ZNF618: variants seen among roughly 807,000 people sequenced by gnomAD.
ZNF618 encodes the protein neural precursor cell expressed, developmentally down-regulated 10.
ZNF618 carries 34 observed loss-of-function variants against 103.0 expected under a neutral mutation model. The observed-to-expected ratio is 0.33, with a 90% CI of 0.25 to 0.44. The LOEUF is 0.44. ZNF618 is among the 20% of genes least tolerant of loss of function. The pLI is 1.00. For missense variants in ZNF618, 1,059 were observed against 1,295.4 expected (o/e 0.82, Z 2.80); for synonymous variants, 551 against 542.2 (o/e 1.02, Z -0.23).
intron 1 of ZNF618, among the ~76,000 whole-genome samples, chr9:113,938,403 A>C (rs1255150458): frequency 6.7e-6 from 1 of 149,020 alleles, no homozygotes; most frequent in Non-Finnish European, 1.5e-5. Flanking sequence ...TTTGTCTTGA[A>C]CTCCTGGCTT....
chr9:113,964,089 G>A lies in ZNF618; in HGVS notation c.34-5028G>A, dbSNP rs115331627. Among the ~76,000 whole-genome samples the A allele has an allele frequency of 5.3e-3, 801 of 152,278 alleles. 8 individuals carry two copies. The highest frequency in any genetic ancestry group is 0.018 in the African/African-American group (758 of 41,538). ...TTATAGCACTGTGAAAATGTGCTGC[G>A]CCAGGTCCATCTTGAGCTTGGCTAG... On this transcript the variant is annotated intron_variant, in intron 1 of 14. Coordinates refer to ENST00000374126, the MANE Select transcript of ZNF618 (RefSeq NM_001318042.2).
rs531429361 is a variant in ZNF618 at position 113,935,078 on chromosome 9, G to A, written c.34-34039G>A. On this transcript the variant is annotated intron_variant, in intron 1 of 14. Transcript: ENST00000374126. ...TGCAGGGCCACAAGGCTGGTCAGGGGTGAGAGGGACCTCAGTGGCCTGGCT... is the reference window on the plus strand; with the variant it reads ...TGCAGGGCCACAAGGCTGGTCAGGGATGAGAGGGACCTCAGTGGCCTGGCT... Among the ~76,000 whole-genome samples, 51 of 152,342 alleles carry A rather than the reference G, an allele frequency of 3.3e-4. 1 individual carries two copies. Among genetic ancestry groups the A allele is most frequent in the African/African-American group, 1.2e-3 (50 of 41,584 alleles).
Position 114,049,692 on chromosome 9 carries a change from A to G in ZNF618, c.2390A>G (p.Lys797Arg), listed in dbSNP as rs373302966. 2 of 1,613,850 alleles carry G rather than the reference A, an allele frequency of 1.2e-6. No individual in the cohort carries two copies. The highest frequency in any genetic ancestry group is 1.1e-5 in the South Asian group (1 of 91,080). ...CTGGAGGCGCTCAAGGAGAACTTCA[A>G]GGTGCACCCGGCCCACAAGGTGGCC... ...LFLEALKENF[K>R]VHPAHKVAMI... The change falls in exon 15 of 15, where the codon AAG becomes AGG. Residue 797 changes from lysine (K) to arginine (R), a missense_variant. Physicochemically the swap from Lys to Arg is conservative, Grantham distance 26. Transcript: ENST00000374126.
chr9:113,882,830 G>A (rs151146567), intron 1 of ZNF618, among the ~76,000 whole-genome samples: 12 of 152,218 alleles, frequency 7.9e-5, no homozygotes, highest in Admixed American at 3.3e-4. Context: ...TATCTGCTTC[G>A]TGAGAAACCA....
intron 1 of ZNF618, among the ~76,000 whole-genome samples, chr9:113,967,268 T>A (rs1173943175): frequency 1.3e-5 from 2 of 152,246 alleles, no homozygotes; most frequent in African/African-American, 4.8e-5. Flanking sequence ...GCCTGTTTGC[T>A]TTGCATACAA....
At chr9:113,876,853 C>T (rs1401568504) in intron 1 of ZNF618, among the ~76,000 whole-genome samples, 2 of 146,472 alleles carry the variant, frequency 1.4e-5, no homozygotes, top group East Asian at 2.1e-4. Context: ...CCCCCCAGGT[C>T]CCCCATTTTT....
intron 1 of ZNF618, among the ~76,000 whole-genome samples, chr9:113,910,487 G>T (rs563299898): frequency 6.6e-6 from 1 of 152,288 alleles, no homozygotes; most frequent in East Asian, 1.9e-4. Context: ...AATAACGAGC[G>T]TGTTCCTGCC....
chr9:114,032,025 G>A (rs1389896440), intron 11 of ZNF618, among the ~76,000 whole-genome samples: 2 of 152,208 alleles, frequency 1.3e-5, no homozygotes, highest in Admixed American at 6.5e-5. Context: ...ATGGCAGCCT[G>A]TAAGCAGAGA....
At chr9:114,019,920 C>T (rs1276699013) in intron 10 of ZNF618, among the ~76,000 whole-genome samples, 1 of 152,124 alleles carries the variant, frequency 6.6e-6, no homozygotes, top group African/African-American at 2.4e-5. Flanking sequence ...TCCTTGCCTA[C>T]CTCAAAATGG....
chr9:114,016,974 C>T (rs1389491099), intron 10 of ZNF618, 190 bp downstream of exon 10: 4 of 587,566 alleles, frequency 6.8e-6, no homozygotes, highest in Non-Finnish European at 1.2e-5. Flanking sequence ...CTGAGAAGTC[C>T]CCCTCTTAAG....
chr9:113,939,506 A>G (rs1287798570), intron 1 of ZNF618, among the ~76,000 whole-genome samples: 1 of 152,186 alleles, frequency 6.6e-6, no homozygotes, highest in Non-Finnish European at 1.5e-5. Context: ...TTGGCTTTGT[A>G]ACAAGAATTG....
chr9:114,016,566 C>T (rs748155957), intron 9 of ZNF618, 129 bp from the exon 10 acceptor site: 4 of 699,946 alleles, frequency 5.7e-6, no homozygotes, highest in African/African-American at 1.8e-5. Context: ...CTTCTAACTC[C>T]AGAGTCAGAA....
chr9:113,927,526 G>T (rs923111815), intron 1 of ZNF618, among the ~76,000 whole-genome samples: 1 of 152,212 alleles, frequency 6.6e-6, no homozygotes, highest in African/African-American at 2.4e-5. Flanking sequence ...GTCTTTTAGT[G>T]GGCCTGTGCC....
chr9:113,925,999 C>T (rs1833053118), intron 1 of ZNF618, among the ~76,000 whole-genome samples: 2 of 152,142 alleles, frequency 1.3e-5, no homozygotes, highest in South Asian at 4.1e-4. Context: ...GAGTTTCTGA[C>T]CCAAATTACT....
chr9:113,987,007 T>C (rs1839549640), intron 2 of ZNF618, among the ~76,000 whole-genome samples: 1 of 152,210 alleles, frequency 6.6e-6, no homozygotes, highest in South Asian at 2.1e-4. Flanking sequence ...GTGGCCCTGC[T>C]GTGCTGCAGT....
At chr9:113,926,699 T>C (rs1304737855) in intron 1 of ZNF618, among the ~76,000 whole-genome samples, 2 of 152,224 alleles carry the variant, frequency 1.3e-5, no homozygotes, top group Admixed American at 6.5e-5. Flanking sequence ...TTAGAGCACT[T>C]TGTGTATTTT....
chr9:114,043,326 A>T (rs1394800785), intron 13 of ZNF618, among the ~76,000 whole-genome samples: 1 of 152,222 alleles, frequency 6.6e-6, no homozygotes, highest in Non-Finnish European at 1.5e-5. Context: ...AAGTGGCTGC[A>T]TCATTTTTAC....
intron 1 of ZNF618, among the ~76,000 whole-genome samples, chr9:113,946,258 A>G (rs1056319151): frequency 6.6e-6 from 1 of 152,212 alleles, no homozygotes; most frequent in Non-Finnish European, 1.5e-5. Context: ...AAGAAATTAC[A>G]GCCCCATTCT....
At chr9:113,978,054 A>AATAG (rs1838645750) in intron 2 of ZNF618, among the ~76,000 whole-genome samples, 1 of 152,230 alleles carries the variant, frequency 6.6e-6, no homozygotes, top group Non-Finnish European at 1.5e-5. Flanking sequence ...GACTGTTAAG[A>AATAG]GTTGTTTAAT....
Sources: gnomAD v4.1 joint callset for allele counts (sites outside exome capture counted in the v4.1 genomes callset) on GRCh38, gnomAD v4.1.1 for gene constraint, MANE v1.5 for transcripts, NCBI Gene and HGNC (gene_info 2026-07-23, HGNC 2026-07-21) for gene names.